The following IFT80 variants were observed in gnomAD, a reference collection of about 807,000 sequenced individuals.
IFT80 encodes the protein intraflagellar transport 80.
IFT80 carries 79 observed loss-of-function variants against 107.9 expected under a neutral mutation model. That is an observed-to-expected ratio of 0.73 (90% CI 0.61 to 0.88). IFT80 has a LOEUF of 0.88. IFT80 is among the 40% of genes least tolerant of loss of function. The probability of loss-of-function intolerance (pLI) is 0.00; values close to 1 mark genes in which losing one functional copy is unlikely to be tolerated. For synonymous variants in IFT80, 299 were observed against 300.9 expected (o/e 0.99, Z 0.07); for missense variants, 797 against 914.2 (o/e 0.87, Z 1.65).
intron 19 of IFT80, among the ~76,000 whole-genome samples, chr3:160,266,348 CT>C (rs1388908620): frequency 7.8e-5 from 11 of 141,262 alleles, no homozygotes; most frequent in East Asian, 2.1e-4. Context: ...CTCCCCCCCC[CT>C]TCTTTCCTTC....
intron 8 of IFT80, among the ~76,000 whole-genome samples, chr3:160,323,028 C>T (rs79293315): frequency 1.3e-5 from 2 of 151,804 alleles, no homozygotes; most frequent in South Asian, 2.1e-4. Context: ...TGTGCAGAGG[C>T]TCTTTAGTTT....
intron 1 of IFT80, among the ~76,000 whole-genome samples, chr3:160,385,335 G>A (rs73154567): frequency 1.3e-5 from 2 of 152,008 alleles, no homozygotes; most frequent in Non-Finnish European, 2.9e-5. Flanking sequence ...ATAAAAAAAA[G>A]AGAAATCAAG....
At chr3:160,312,968 AAT>A (rs1392384865) in intron 9 of IFT80, among the ~76,000 whole-genome samples, 1 of 65,096 alleles carries the variant, frequency 1.5e-5, no homozygotes, top group East Asian at 4.1e-4. Context: ...ATAAATATAT[AAT>A]ATATAATATA....
In IFT80 at chr3:160,300,920, A is replaced by C; in HGVS notation, c.1278T>G (p.Asn426Lys). 3 of 1,610,306 alleles carry C rather than the reference A, an allele frequency of 1.9e-6. No individual in the cohort carries two copies. The highest frequency in any genetic ancestry group is 2.5e-6 in the Non-Finnish European group (3 of 1,178,164). ...ILNAQTVSLS[N>K]DTIAIRDKAD... ...CTTTGTCTCTTATTGCTATGGTATC[A>C]TTACTCAAAGACACAGTCTGTGCAT... The change falls in exon 12 of 20, where the codon AAT becomes AAG. Residue 426 changes from asparagine to lysine, a missense_variant. Asn to Lys is a moderately conservative substitution (Grantham distance 94). Transcript: ENST00000326448.
chr3:160,330,376 T>G (rs2108316051), intron 8 of IFT80, among the ~76,000 whole-genome samples: 1 of 152,320 alleles, frequency 6.6e-6, no homozygotes, highest in South Asian at 2.1e-4. Context: ...TACCAACTCG[T>G]CTGCTAACTA....
At chr3:160,329,620 A>C (rs115171929) in intron 8 of IFT80, among the ~76,000 whole-genome samples, 2,185 of 152,288 alleles carry the variant, frequency 0.014, 51 homozygotes, top group African/African-American at 0.046. Flanking sequence ...GAGAAGAAGA[A>C]TCTGAACAGA....
At chr3:160,383,540 A>C (rs1712689523) in intron 2 of IFT80, 1 of 778,490 alleles carries the variant, frequency 1.3e-6, no homozygotes, top group African/African-American at 1.9e-5. Context: ...GATATTTCGT[A>C]AGATACAATA....
chr3:160,312,725 A>T lies in IFT80; in HGVS notation c.958-4944T>A, dbSNP rs1717413174. Among the ~76,000 whole-genome samples, 7 of 43,740 alleles carry T rather than the reference A, an allele frequency of 1.6e-4. No individual in the cohort carries two copies. In the South Asian group the frequency reaches 3.8e-3, roughly 24 times the overall value. The allele number at this position is 43,740 out of a possible 152,430, so 28.7% of individuals were successfully genotyped here. On this transcript the variant is annotated intron_variant, in intron 9 of 19. Transcript: ENST00000326448. ...TATATAATATATAATATATATAATA[A>T]ATATATATTATATATAAATATATAA... is the stretch of plus-strand genomic sequence containing the variant.
intron 18 of IFT80, among the ~76,000 whole-genome samples, chr3:160,271,646 C>A (rs1713815373): frequency 6.6e-6 from 1 of 152,038 alleles, no homozygotes; most frequent in Non-Finnish European, 1.5e-5. Context: ...GAAGCATAAA[C>A]CAGCAAGACT....
intron 11 of IFT80, among the ~76,000 whole-genome samples, chr3:160,301,912 C>T (rs1383531057): frequency 6.6e-6 from 1 of 151,964 alleles, no homozygotes; most frequent in Non-Finnish European, 1.5e-5. Flanking sequence ...AAATTATTCA[C>T]TGTTTTAAAG....
Position 160,279,274 on chromosome 3 carries a change from T to C in IFT80, c.1755A>G (p.Ile585Met). Residue 585 changes from isoleucine to methionine, a missense_variant, in exon 16 of 20, where the codon ATA becomes ATG. Physicochemically the swap from Ile to Met is conservative, Grantham distance 10 (BLOSUM62 1). Transcript: ENST00000326448. ...RADGSLVHIS[I>M]TPYPAILHEY... The stretch of plus-strand genomic sequence containing the variant: ...CATGGAGAATAGCAGGATATGGTGT[T>C]ATGCTGATGTGAACCAGGGAGCCAT... 1 of 1,612,714 alleles carries C rather than the reference T, an allele frequency of 6.2e-7. No homozygotes were observed. The highest frequency in any genetic ancestry group is 8.5e-7 in the Non-Finnish European group (1 of 1,178,756).
chr3:160,332,030 C>T (rs1276757518), intron 8 of IFT80, among the ~76,000 whole-genome samples: 1 of 152,118 alleles, frequency 6.6e-6, no homozygotes, highest in East Asian at 1.9e-4. Flanking sequence ...TGGATTTTGG[C>T]TTCTGCATTC....
chr3:160,343,869 C>T, intron 8 of IFT80: 1 of 247,660 alleles, frequency 4.0e-6, no homozygotes. Flanking sequence ...ACAACTAGGG[C>T]AAGTACCTGG....
rs771793937 is a variant in IFT80, at chr3:160,357,527, C to T, written c.601G>A (p.Asp201Asn). ...ILKVDWNSVNDLILSAGEDCK... is the reference protein window; with the variant it reads ...ILKVDWNSVNNLILSAGEDCK... ...TCTTCACCAGCAGATAAAATAAGAT[C>T]ATTGACCGAGTTCCAATCTACTTTT... The change falls in exon 7 of 20, where the codon GAT (aspartate) becomes AAT (asparagine). Residue 201 changes from aspartate (D) to asparagine (N), a missense_variant. By Grantham distance (23) the Asp-to-Asn change is conservative (BLOSUM62 1). Transcript: ENST00000326448. 1 of 1,597,766 alleles carries T rather than the reference C, an allele frequency of 6.3e-7. No homozygotes were observed. The highest frequency in any genetic ancestry group is 1.1e-5 in the South Asian group (1 of 90,534).
chr3:160,275,824 T>C lies in IFT80; in HGVS notation c.2099+1482A>G, dbSNP rs867817343. On this transcript the variant is annotated intron_variant, in intron 18 of 19. Transcript: ENST00000326448. ...TTTCTATAAGTTATTTAACATAAAA[T>C]TTAAAAAATATTCACACTGTCTAAA... 3.9e-5 allele frequency among the ~76,000 whole-genome samples: 6 copies of C among 151,980 alleles called. No homozygotes were observed. In the South Asian group the frequency reaches 1.0e-3, roughly 26 times the overall value.
intron 8 of IFT80, among the ~76,000 whole-genome samples, chr3:160,346,201 TTAA>T (rs1326328424): frequency 6.6e-6 from 1 of 152,134 alleles, no homozygotes; most frequent in Non-Finnish European, 1.5e-5. Flanking sequence ...CATAGCATGG[TTAA>T]TAATAATAAC....
intron 18 of IFT80, among the ~76,000 whole-genome samples, chr3:160,276,594 G>A (rs1437966121): frequency 6.6e-6 from 1 of 152,170 alleles, no homozygotes; most frequent in Admixed American, 6.5e-5. Context: ...CTGAGAGAAT[G>A]AGTGGGAGGA....
intron 1 of IFT80, 136 bp from the exon 2 acceptor site, chr3:160,384,782 G>C: frequency 1.6e-6 from 1 of 633,092 alleles, no homozygotes; most frequent in Non-Finnish European, 2.7e-6. Flanking sequence ...TACATGGAAA[G>C]AGAAAAAAAA....
At chr3:160,267,000 C>T (rs1046040046) in intron 19 of IFT80, among the ~76,000 whole-genome samples, 46 of 151,984 alleles carry the variant, frequency 3.0e-4, no homozygotes, top group African/African-American at 1.1e-3. Flanking sequence ...TGCCCAAACT[C>T]CCAGGATTCA....
Sources: gnomAD v4.1 joint callset for allele counts (sites outside exome capture counted in the v4.1 genomes callset) on GRCh38, gnomAD v4.1.1 for gene constraint, MANE v1.5 for transcripts, NCBI Gene and HGNC (gene_info 2026-07-23, HGNC 2026-07-21) for gene names.